Variants in OR9K2 observed in about 807,000 individuals in gnomAD.
The protein encoded by OR9K2 is olfactory receptor family 9 subfamily K member 2.
A neutral mutation model predicts 12.4 loss-of-function variants in OR9K2; 16 were observed. That is an observed-to-expected ratio of 1.29 (90% CI 0.87 to 1.95). OR9K2 has a LOEUF of 1.95. Ranked by LOEUF, OR9K2 falls within the 30% of genes most tolerant of loss-of-function variation. The probability of loss-of-function intolerance (pLI) is 0.00; values close to 1 mark genes in which losing one functional copy is unlikely to be tolerated. For missense variants in OR9K2, 434 were observed against 376.5 expected, an observed-to-expected ratio of 1.15 and a Z score of -1.26; for synonymous variants, 133 against 133.2, an observed-to-expected ratio of 1.00 and a Z score of 0.01.
At position 55,130,037 on chromosome 12, in the gene OR9K2, A is replaced by T. The variant is rs771600693; in HGVS notation, c.203A>T (p.Asn68Ile). The T allele has an allele frequency of 5.0e-6, 8 of 1,605,494 alleles. No individual in the cohort carries two copies. The South Asian group carries it at 8.8e-5, about 18-fold the overall frequency. ...LNTPMYFFLG[N>I]LSFIDLFYSS... ...ACACCAATGTATTTTTTCCTAGGCA[A>T]TCTCTCCTTCATTGATCTTTTCTAT... is the stretch of plus-strand genomic sequence containing the variant. The change falls in exon 3 of 3, where the codon AAT becomes ATT. Residue 68 changes from asparagine (N) to isoleucine (I), a missense_variant. Physicochemically the swap from Asn to Ile is moderately radical, Grantham distance 149 (BLOSUM62 -3). Transcript: ENST00000641329.
At chr12:55,129,488 G>T (rs1953452715) in intron 2 of OR9K2, among the ~76,000 whole-genome samples, 1 of 152,110 alleles carries the variant, frequency 6.6e-6, no homozygotes, top group African/African-American at 2.4e-5. Flanking sequence ...TCCAGTCACT[G>T]CTTCATGATG....
rs1370308711 is a variant in OR9K2, at chr12:55,130,079, C to T, written c.245C>T (p.Pro82Leu). 5 of 1,612,694 alleles carry T rather than the reference C, an allele frequency of 3.1e-6. No homozygotes were observed. In the East Asian group the frequency reaches 6.7e-5, roughly 22 times the overall value. Residue 82 changes from proline to leucine, a missense_variant, in exon 3 of 3, where the codon CCC becomes CTC. Coordinates refer to ENST00000641329, the MANE Select transcript of OR9K2 (RefSeq NM_001005243.2). ...CTTTTCTATTCATCTGTTATTGAAC[C>T]CAAGGCTATGATCAACTTCTGGTCT... ...IDLFYSSVIE[P>L]KAMINFWSEN...
rs774956463 is a variant in OR9K2 at position 55,130,140 on chromosome 12, C to T, written c.306C>T (p.Ala102=). 9.3e-6 allele frequency: 15 copies of T among 1,613,896 alleles called. No homozygotes were observed. The highest frequency in any genetic ancestry group is 1.3e-5 in the Non-Finnish European group (15 of 1,179,996). ...CTATCTCCTTTGCAGGCTGTGTGGCCCAGCTCTTTCTCTTTGCCCTCCTCA... is the reference window on the plus strand; with the variant it reads ...CTATCTCCTTTGCAGGCTGTGTGGCTCAGCTCTTTCTCTTTGCCCTCCTCA... ...NKSISFAGCV[A]QLFLFALLIV... Residue 102 remains alanine (A), a synonymous_variant, in exon 3 of 3, where the codon GCC becomes GCT. Transcript: ENST00000641329.
chr12:55,130,685 C>T lies in OR9K2; in HGVS notation c.851C>T (p.Pro284Leu), dbSNP rs759452467. ...VASLCYSLVT[P>L]MLNPLIYSLR... ...TCCTTATGTTACTCCCTAGTCACTC[C>T]CATGTTGAATCCTTTGATTTACTCT... The change falls in exon 3 of 3, where the codon CCC becomes CTC. Residue 284 changes from proline (P) to leucine (L), a missense_variant. Physicochemically the swap from Pro to Leu is moderately conservative, Grantham distance 98. Transcript: ENST00000641329. The T allele has an allele frequency of 2.2e-5, 36 of 1,611,658 alleles. 1 individual carries two copies. In the South Asian group the frequency reaches 3.8e-4, roughly 17 times the overall value.
rs185478587 is a variant in OR9K2 at position 55,131,139 on chromosome 12, C to A, written c.*363C>A. On this transcript the variant is annotated 3_prime_UTR_variant, in exon 3 of 3. Coordinates refer to ENST00000641329, the MANE Select transcript of OR9K2 (RefSeq NM_001005243.2). ...GGTGTTTGTCTTTGGGATTGCCCAT[C>A]CCTCCTACACACAATCATGGGTAGT... 1 of 167,972 alleles carries A rather than the reference C, an allele frequency of 6.0e-6. No homozygotes were observed. The highest frequency in any genetic ancestry group is 1.3e-5 in the Non-Finnish European group (1 of 78,360). The allele number at this position is 167,972 out of a possible 1,614,324, so 10.4% of individuals were successfully genotyped here.
rs1352781707 is a variant in OR9K2 at position 55,126,870 on chromosome 12, T to C, written c.-51T>C. 2 of 152,152 alleles carry C rather than the reference T, an allele frequency of 1.3e-5. No individual in the cohort carries two copies. Among genetic ancestry groups the C allele is most frequent in the East Asian group, 3.9e-4 (2 of 5,184 alleles). The allele number at this position is 152,152 out of a possible 1,614,324, so 9.4% of individuals were successfully genotyped here. On this transcript the variant is annotated 5_prime_UTR_variant, in exon 2 of 3. Coordinates refer to ENST00000641329, the MANE Select transcript of OR9K2 (RefSeq NM_001005243.2). Reference sequence around the variant, plus strand: ...GAGGAAAACATTGGAACTCTGCTGATTGATTTTTACCAGAATCTGACCAGT... The same window carrying C: ...GAGGAAAACATTGGAACTCTGCTGACTGATTTTTACCAGAATCTGACCAGT...
At position 55,131,996 on chromosome 12, in the gene OR9K2, C is replaced by A. The variant is rs938113659; in HGVS notation, c.*1220C>A. On this transcript the variant is annotated 3_prime_UTR_variant, in exon 3 of 3. Coordinates refer to ENST00000641329, the MANE Select transcript of OR9K2 (RefSeq NM_001005243.2). ...ATGTACAAAAGATGGTATGTTAGCC[C>A]ATTTTTGAAATTGAGTGTGTGCATG... 1 of 152,110 alleles carries A rather than the reference C, an allele frequency of 6.6e-6. No homozygotes were observed. Among genetic ancestry groups the A allele is most frequent in the Non-Finnish European group, 1.5e-5 (1 of 68,026 alleles). 9.4% of individuals were successfully genotyped at this position (152,110 alleles called of 1,614,324 possible). A position where few individuals can be genotyped will look rare whatever the true frequency, so the allele number is the denominator to read the frequency against.
In OR9K2 at chr12:55,130,141, C is replaced by T. The variant is rs1174962509; in HGVS notation, c.307C>T (p.Gln103Ter). 1 of 1,613,780 alleles carries T rather than the reference C, an allele frequency of 6.2e-7. No individual in the cohort carries two copies. The highest frequency in any genetic ancestry group is 8.5e-7 in the Non-Finnish European group (1 of 1,180,002). ...KSISFAGCVAQLFLFALLIVT... is the reference protein window; with the variant it reads ...KSISFAGCVA The stretch of plus-strand genomic sequence containing the variant: ...TATCTCCTTTGCAGGCTGTGTGGCC[C>T]AGCTCTTTCTCTTTGCCCTCCTCAT... The change falls in exon 3 of 3, where the codon CAG (glutamine) becomes TAG (stop). Residue 103 changes from glutamine (Q) to a stop codon, truncating the protein, a stop_gained. Coordinates refer to ENST00000641329, the MANE Select transcript of OR9K2 (RefSeq NM_001005243.2). LOFTEE classifies it high-confidence loss of function.
intron 2 of OR9K2, among the ~76,000 whole-genome samples, chr12:55,127,276 T>C: frequency 6.6e-6 from 1 of 151,880 alleles, no homozygotes; most frequent in South Asian, 2.1e-4. Flanking sequence ...CTATTAATAA[T>C]AATATTAAAT....
chr12:55,129,042 G>A (rs929092952), intron 2 of OR9K2, among the ~76,000 whole-genome samples: 3 of 152,100 alleles, frequency 2.0e-5, no homozygotes, highest in African/African-American at 7.2e-5. Context: ...TAAATGATCT[G>A]TACAGCAAAA....
rs140329988 is a variant in OR9K2, at chr12:55,130,628, C to A, written c.794C>A (p.Pro265His). The A allele has an allele frequency of 1.9e-3, 3,095 of 1,613,928 alleles. 31 individuals carry two copies. Among genetic ancestry groups the A allele is most frequent in the Non-Finnish European group, 1.1e-3 (1,239 of 1,179,878 alleles). The change falls in exon 3 of 3, where the codon CCT becomes CAT. Residue 265 changes from proline to histidine, a missense_variant. Coordinates refer to ENST00000641329, the MANE Select transcript of OR9K2 (RefSeq NM_001005243.2). ...YGAVFFMYLT[P>H]DRFPELSKVA... The stretch of plus-strand genomic sequence containing the variant: ...GCTGTCTTTTTTATGTATCTCACTC[C>A]TGACAGATTTCCTGAGCTGAGTAAA...
rs1451888957 is a variant in OR9K2, at chr12:55,130,625, C to T, written c.791C>T (p.Thr264Ile). ...GGTGCTGTCTTTTTTATGTATCTCA[C>T]TCCTGACAGATTTCCTGAGCTGAGT... ...LYGAVFFMYL[T>I]PDRFPELSKV... is the part of the protein sequence containing the mutation. The change falls in exon 3 of 3, where the codon ACT (threonine) becomes ATT (isoleucine). Residue 264 changes from threonine to isoleucine, a missense_variant. Physicochemically the swap from Thr to Ile is moderately conservative, Grantham distance 89. Coordinates refer to ENST00000641329, the MANE Select transcript of OR9K2 (RefSeq NM_001005243.2). The T allele has an allele frequency of 1.9e-6, 3 of 1,613,842 alleles. No homozygotes were observed. Among genetic ancestry groups the T allele is most frequent in the East Asian group, 4.5e-5 (2 of 44,880 alleles).
chr12:55,130,654 G>T lies in OR9K2; in HGVS notation c.820G>T (p.Val274Leu). Residue 274 changes from valine (V) to leucine (L), a missense_variant, in exon 3 of 3, where the codon GTG becomes TTG. Coordinates refer to ENST00000641329, the MANE Select transcript of OR9K2 (RefSeq NM_001005243.2). ...TGACAGATTTCCTGAGCTGAGTAAA[G>T]TGGCATCCTTATGTTACTCCCTAGT... ...TPDRFPELSK[V>L]ASLCYSLVTP... The T allele has an allele frequency of 5.0e-6, 8 of 1,613,664 alleles. No individual in the cohort carries two copies. The South Asian group carries it at 7.7e-5, about 16-fold the overall frequency.
chr12:55,130,412 C>G lies in OR9K2; in HGVS notation c.578C>G (p.Ser193Cys), dbSNP rs200849521. 27 of 1,613,926 alleles carry G rather than the reference C, an allele frequency of 1.7e-5. No individual in the cohort carries two copies. The highest frequency in any genetic ancestry group is 2.1e-5 in the Non-Finnish European group (25 of 1,179,892). ...DSRPLQRLSCSDLFIHRMISF... is the reference protein window; with the variant it reads ...DSRPLQRLSCCDLFIHRMISF... Reference sequence around the variant, plus strand: ...CGCCCACTTCAGAGACTGTCTTGTTCTGATCTCTTTATCCATAGAATGATA... The same window carrying G: ...CGCCCACTTCAGAGACTGTCTTGTTGTGATCTCTTTATCCATAGAATGATA... Residue 193 changes from serine (S) to cysteine (C), a missense_variant, in exon 3 of 3, where the codon TCT becomes TGT. Transcript: ENST00000641329.
In OR9K2 at chr12:55,129,912, C is replaced by T; in HGVS notation, c.78C>T (p.Leu26=). Residue 26 remains leucine, a synonymous_variant, in exon 3 of 3, where the codon CTC becomes CTT. Transcript: ENST00000641329. The part of the protein sequence containing the change: ...ILAGFRVRPE[L]HILLFLLFLF... ...CAGGCTTCAGGGTACGCCCAGAGCT[C>T]CACATTCTCCTCTTCCTGCTATTTT... is the stretch of plus-strand genomic sequence containing the variant. The T allele has an allele frequency of 6.2e-7, 1 of 1,614,044 alleles. No individual in the cohort carries two copies. The highest frequency in any genetic ancestry group is 8.5e-7 in the Non-Finnish European group (1 of 1,179,972).
In OR9K2 at chr12:55,130,944, A is replaced by C. The variant is rs916908472; in HGVS notation, c.*168A>C. 9.5e-6 allele frequency: 5 copies of C among 524,552 alleles called. No homozygotes were observed. Among genetic ancestry groups the C allele is most frequent in the Non-Finnish European group, 1.7e-5 (5 of 299,332 alleles). 32.5% of individuals were successfully genotyped at this position (524,552 alleles called of 1,614,324 possible). On this transcript the variant is annotated 3_prime_UTR_variant, in exon 3 of 3. Transcript: ENST00000641329. ...ACCTCCCAAGACATCATTAATTCTG[A>C]AAATCTTGGATATTGGAGATATCCT...
chr12:55,130,342 T>C lies in OR9K2; in HGVS notation c.508T>C (p.Ser170Pro), dbSNP rs1467161498. The C allele has an allele frequency of 3.1e-6, 5 of 1,614,100 alleles. No homozygotes were observed. In the Admixed American group the frequency reaches 6.7e-5, roughly 22 times the overall value. Residue 170 changes from serine to proline, a missense_variant, in exon 3 of 3, where the codon TCT (serine) becomes CCT (proline). Coordinates refer to ENST00000641329, the MANE Select transcript of OR9K2 (RefSeq NM_001005243.2). ...TCAGACTAGCATGACATTTACTTTATCTTTTTGCGCTTCTCGGGCTGTTGA... is the reference window on the plus strand; with the variant it reads ...TCAGACTAGCATGACATTTACTTTACCTTTTTGCGCTTCTCGGGCTGTTGA... Reference protein sequence around the residue: ...VIQTSMTFTLSFCASRAVDHF... With the variant: ...VIQTSMTFTLPFCASRAVDHF...
chr12:55,130,679 T>G lies in OR9K2; in HGVS notation c.845T>G (p.Val282Gly). Residue 282 changes from valine to glycine, a missense_variant, in exon 3 of 3, where the codon GTC becomes GGC. Physicochemically the swap from Val to Gly is moderately radical, Grantham distance 109. Transcript: ENST00000641329. ...SKVASLCYSL[V>G]TPMLNPLIYS... ...GTGGCATCCTTATGTTACTCCCTAG[T>G]CACTCCCATGTTGAATCCTTTGATT... 6.2e-7 allele frequency: 1 copy of G among 1,612,348 alleles called. No homozygotes were observed. The highest frequency in any genetic ancestry group is 8.5e-7 in the Non-Finnish European group (1 of 1,178,466).
chr12:55,127,510 C>T (rs914707359), intron 2 of OR9K2, among the ~76,000 whole-genome samples: 4 of 151,984 alleles, frequency 2.6e-5, no homozygotes, highest in African/African-American at 9.7e-5. Flanking sequence ...TAATTACTTA[C>T]ATATTTAATT....
Sources: gnomAD v4.1 joint callset for allele counts (sites outside exome capture counted in the v4.1 genomes callset) on GRCh38, gnomAD v4.1.1 for gene constraint, MANE v1.5 for transcripts, NCBI Gene and HGNC (gene_info 2026-07-23, HGNC 2026-07-21) for gene names.